The following CFTR variants were observed in gnomAD, a reference collection of about 807,000 sequenced individuals.
CFTR encodes the protein cystic fibrosis transmembrane conductance regulator.
In CFTR, 181 loss-of-function variants were observed where a neutral mutation model predicts 171.6. The observed-to-expected ratio is 1.05, with a 90% CI of 0.93 to 1.19. The LOEUF (loss-of-function observed/expected upper bound fraction) is 1.19. Ranked by LOEUF, CFTR falls within the 50% of genes most tolerant of loss-of-function variation. CFTR has a pLI of 0.00. For synonymous variants in CFTR, 583 were observed against 608.0 expected (o/e 0.96, Z 0.60); for missense variants, 1,968 against 1,734.7 (o/e 1.13, Z -2.39).
At chr7:117,490,589 G>C (rs1557630) in intron 1 of CFTR, among the ~76,000 whole-genome samples, 34,886 of 151,794 alleles carry the variant, frequency 0.23, 4,320 homozygotes, top group East Asian at 0.42. Flanking sequence ...TTTAACCAAA[G>C]TTTACTGATT....
Position 117,642,527 on chromosome 7 carries a change from CG to C in CFTR, c.3808del (p.Asp1270MetfsTer8), listed in dbSNP as rs763843966. Reference sequence around the variant, plus strand: ...TGAACACTGAAGGAGAAATCCAGATCGATGGTGTGTCTTGGGATTCAATAAC... The same window carrying C: ...TGAACACTGAAGGAGAAATCCAGATCATGGTGTGTCTTGGGATTCAATAAC... ...LLNTEGEIQI[D>X]GVSWDSITLQ... On this transcript the variant is annotated frameshift_variant, in exon 23 of 27. Transcript: ENST00000003084. LOFTEE classifies it high-confidence loss of function. 1 of 1,613,466 alleles carries C rather than the reference CG, an allele frequency of 6.2e-7. No individual in the cohort carries two copies. The highest frequency in any genetic ancestry group is 1.7e-5 in the Admixed American group (1 of 59,928).
At chr7:117,496,392 C>T (rs1411561291) in intron 1 of CFTR, among the ~76,000 whole-genome samples, 1 of 152,026 alleles carries the variant, frequency 6.6e-6, no homozygotes, top group East Asian at 1.9e-4. Context: ...TCTTTAGAGA[C>T]AGGGTCTTGT....
At chr7:117,629,664 A>C (rs1256323993) in intron 22 of CFTR, among the ~76,000 whole-genome samples, 1 of 152,084 alleles carries the variant, frequency 6.6e-6, no homozygotes, top group African/African-American at 2.4e-5. Context: ...ATAACAACTG[A>C]GTTTTGCTTT....
rs1011678770 is a variant in CFTR, at chr7:117,627,503, G to A, written c.3469-19G>A. On this transcript the variant is annotated intron_variant, in intron 21 of 26. Coordinates refer to ENST00000003084, the MANE Select transcript of CFTR (RefSeq NM_000492.4). ...GTCTGCCATTCTTAAAAACAAAAAT[G>A]TTGTTATTTTTATTTCAGATGCGAT... 2.5e-6 allele frequency: 4 copies of A among 1,612,228 alleles called. No individual in the cohort carries two copies. Among genetic ancestry groups the A allele is most frequent in the Non-Finnish European group, 3.4e-6 (4 of 1,178,870 alleles).
intron 10 of CFTR, among the ~76,000 whole-genome samples, chr7:117,556,302 A>G (rs1025873750): frequency 3.3e-5 from 5 of 151,876 alleles, no homozygotes; most frequent in African/African-American, 7.3e-5. Context: ...TGACCTCATG[A>G]TCTGCCTGCC....
In CFTR at chr7:117,602,789, T is replaced by C. The variant is rs772123997; in HGVS notation, c.2620-37T>C. 3 of 1,601,298 alleles carry C rather than the reference T, an allele frequency of 1.9e-6. No homozygotes were observed. In the Admixed American group the frequency reaches 5.0e-5, roughly 27 times the overall value. ...GGCATGGGAGGAATAGGTGAAGATG[T>C]TAGAAAAAAAATCAACTGTGTCTTG... On this transcript the variant is annotated intron_variant, in intron 15 of 26. Coordinates refer to ENST00000003084, the MANE Select transcript of CFTR (RefSeq NM_000492.4).
chr7:117,550,720 C>T (rs1314114319), intron 10 of CFTR, among the ~76,000 whole-genome samples: 1 of 152,142 alleles, frequency 6.6e-6, no homozygotes, highest in African/African-American at 2.4e-5. Context: ...CCAAGACTTA[C>T]TGGCAATTAA....
chr7:117,510,207 A>G (rs1054206551), intron 3 of CFTR, among the ~76,000 whole-genome samples: 1 of 152,174 alleles, frequency 6.6e-6, no homozygotes, highest in African/African-American at 2.4e-5. Context: ...AAAGTATTTT[A>G]TTAGTAAATT....
chr7:117,652,403 T>C (rs1432061344), intron 23 of CFTR, among the ~76,000 whole-genome samples: 1 of 152,216 alleles, frequency 6.6e-6, no homozygotes, highest in Non-Finnish European at 1.5e-5. Flanking sequence ...AAGCTAGGCT[T>C]ATCAGAGAAA....
intron 11 of CFTR, among the ~76,000 whole-genome samples, chr7:117,561,743 G>T (rs956480736): frequency 1.3e-5 from 2 of 152,134 alleles, no homozygotes; most frequent in Non-Finnish European, 2.9e-5. Flanking sequence ...TAGTGGGAAA[G>T]ATTGACATAT....
At chr7:117,540,706 C>CT (rs1049692626) in intron 8 of CFTR, among the ~76,000 whole-genome samples, 2 of 152,144 alleles carry the variant, frequency 1.3e-5, no homozygotes, top group African/African-American at 2.4e-5. Flanking sequence ...ACTTATTATG[C>CT]TTTTTTGCTG....
At chr7:117,657,691 G>A (rs1241858170) in intron 24 of CFTR, among the ~76,000 whole-genome samples, 1 of 152,206 alleles carries the variant, frequency 6.6e-6, no homozygotes, top group Non-Finnish European at 1.5e-5. Context: ...ATCTCACTGA[G>A]TCCTCTCTTT....
chr7:117,655,745 T>A (rs1057165638), intron 24 of CFTR, among the ~76,000 whole-genome samples: 4 of 152,172 alleles, frequency 2.6e-5, no homozygotes, highest in African/African-American at 4.8e-5. Flanking sequence ...ACACGATGTC[T>A]TATAAACAAC....
chr7:117,481,815 G>T (rs974866837), intron 1 of CFTR, among the ~76,000 whole-genome samples: 3 of 152,166 alleles, frequency 2.0e-5, no homozygotes, highest in African/African-American at 7.2e-5. Context: ...ATTAAGTTAG[G>T]CAGTATTGCT....
chr7:117,652,933 TA>T lies in CFTR; in HGVS notation c.3963+4del. On this transcript the variant is annotated splice_donor_region_variant and intron_variant, in intron 24 of 26. Transcript: ENST00000003084. ...GAAATATGGAAAGTTGCAGATGAGGTAAGGCTGCTAACTGAAATGATTTTGA... is the reference window on the plus strand; with the variant it reads ...GAAATATGGAAAGTTGCAGATGAGGTAGGCTGCTAACTGAAATGATTTTGA... 2 of 1,570,850 alleles carry T rather than the reference TA, an allele frequency of 1.3e-6. No homozygotes were observed. The highest frequency in any genetic ancestry group is 1.7e-5 in the Admixed American group (1 of 59,888).
chr7:117,599,214 C>T (rs1291341860), intron 15 of CFTR, among the ~76,000 whole-genome samples: 1 of 152,012 alleles, frequency 6.6e-6, no homozygotes, highest in African/African-American at 2.4e-5. Flanking sequence ...CTTAACCAAC[C>T]CTTTATAATT....
intron 24 of CFTR, among the ~76,000 whole-genome samples, chr7:117,664,202 G>A (rs1414289886): frequency 6.6e-6 from 1 of 152,176 alleles, no homozygotes; most frequent in Non-Finnish European, 1.5e-5. Flanking sequence ...CAGAGTAGAA[G>A]ATGGGAGGTA....
intron 3 of CFTR, among the ~76,000 whole-genome samples, chr7:117,513,547 T>C (rs941257725): frequency 6.6e-6 from 1 of 152,140 alleles, no homozygotes; most frequent in African/African-American, 2.4e-5. Context: ...TTCTATCTGC[T>C]GGGCCTGTGG....
intron 22 of CFTR, among the ~76,000 whole-genome samples, chr7:117,641,016 TA>T (rs1020610573): frequency 5.9e-5 from 9 of 151,902 alleles, no homozygotes; most frequent in Admixed American, 1.3e-4. Context: ...CAAGAAAAAA[TA>T]AAAAAAGTAC....
Sources: allele counts gnomAD v4.1 joint callset (sites outside exome capture counted in the v4.1 genomes callset), GRCh38; gene constraint gnomAD v4.1.1; transcripts MANE v1.5; gene names NCBI Gene and HGNC (gene_info 2026-07-23, HGNC 2026-07-21).